The following GOLGA4 variants were observed in gnomAD, a reference collection of about 807,000 sequenced individuals.
GOLGA4 encodes the protein golgin A4, also known as golgin subfamily A member 4.
In GOLGA4, 169 loss-of-function variants were observed where a neutral mutation model predicts 265.9. That is an observed-to-expected ratio of 0.64 (90% CI 0.56 to 0.72). The LOEUF (loss-of-function observed/expected upper bound fraction) is 0.72, where lower values mean the gene tolerates loss of function less well. Among genes scored for constraint, GOLGA4 ranks in the 30% least tolerant of loss-of-function variants. The probability of loss-of-function intolerance (pLI) is 0.00; values close to 1 mark genes in which losing one functional copy is unlikely to be tolerated. For missense variants in GOLGA4, 2,482 were observed against 2,483.4 expected (o/e 1.00, Z 0.01); for synonymous variants, 923 against 855.8 (o/e 1.08, Z -1.37).
intron 2 of GOLGA4, chr3:37,275,563 G>A: frequency 1.9e-6 from 2 of 1,067,556 alleles, no homozygotes; most frequent in South Asian, 1.3e-5. Context: ...GTGAGGAAGG[G>A]GGCCTAGGCC....
At chr3:37,244,562 C>T (rs2096713716) in intron 1 of GOLGA4, among the ~76,000 whole-genome samples, 1 of 152,230 alleles carries the variant, frequency 6.6e-6, no homozygotes, top group Admixed American at 6.5e-5. Flanking sequence ...ACAGACTGAG[C>T]AGATCTGTCC....
chr3:37,334,616 C>T (rs944015989), intron 16 of GOLGA4, among the ~76,000 whole-genome samples: 1 of 152,116 alleles, frequency 6.6e-6, no homozygotes, highest in African/African-American at 2.4e-5. Context: ...TGACTATTTT[C>T]TAGAAATCAA....
intron 2 of GOLGA4, among the ~76,000 whole-genome samples, chr3:37,256,406 G>A (rs572695164): frequency 6.6e-6 from 1 of 152,032 alleles, no homozygotes; most frequent in African/African-American, 2.4e-5. Flanking sequence ...GGAGGCGGAG[G>A]TTGCAGTGAG....
intron 21 of GOLGA4, among the ~76,000 whole-genome samples, chr3:37,354,601 T>C (rs1281318428): frequency 6.6e-6 from 1 of 152,142 alleles, no homozygotes; most frequent in Non-Finnish European, 1.5e-5. Flanking sequence ...GTAATTTGTA[T>C]TTCTATTAGG....
chr3:37,339,431 G>C (rs1485540324), intron 19 of GOLGA4, among the ~76,000 whole-genome samples: 1 of 152,088 alleles, frequency 6.6e-6, no homozygotes, highest in East Asian at 1.9e-4. Context: ...TGGAATTACT[G>C]GATCATACAG....
intron 21 of GOLGA4, among the ~76,000 whole-genome samples, chr3:37,347,912 AAAT>A (rs1429350419): frequency 6.6e-6 from 1 of 152,184 alleles, no homozygotes; most frequent in Non-Finnish European, 1.5e-5. Context: ...GACATTTGGT[AAAT>A]ATATATTGAA....
Position 37,282,282 on chromosome 3 carries a change from T to G in GOLGA4, c.477+10T>G, listed in dbSNP as rs1432695196. ...GGGAAAATATTCTGAGGTAGGAGCA[T>G]GACCTTTTTGCCTGTACAAAAATTT... On this transcript the variant is annotated intron_variant, in intron 3 of 23. Coordinates refer to ENST00000361924, the MANE Select transcript of GOLGA4 (RefSeq NM_002078.5). 1 of 1,607,058 alleles carries G rather than the reference T, an allele frequency of 6.2e-7. No individual in the cohort carries two copies. The highest frequency in any genetic ancestry group is 1.7e-5 in the Admixed American group (1 of 59,850).
Position 37,323,690 on chromosome 3 carries a change from A to C in GOLGA4, c.1804A>C (p.Asn602His), listed in dbSNP as rs1316025333. Residue 602 changes from asparagine (N) to histidine (H), a missense_variant, in exon 14 of 24, where the codon AAT (asparagine) becomes CAT (histidine). Around this residue, in one of 3 missense-constraint regions of GOLGA4, gnomAD observed 1,536 missense variants for 1,483.7 expected, o/e 1.04. Coordinates refer to ENST00000361924, the MANE Select transcript of GOLGA4 (RefSeq NM_002078.5). ...VHLEAEKNKH[N>H]KEITVMVEKH... ...TCTGGAAGCTGAAAAAAATAAGCAC[A>C]ATAAGGAGATTACAGTCATGGTTGA... is the stretch of plus-strand genomic sequence containing the variant. The C allele has an allele frequency of 1.2e-6, 2 of 1,612,706 alleles. No individual in the cohort carries two copies. Among genetic ancestry groups the C allele is most frequent in the Non-Finnish European group, 1.7e-6 (2 of 1,179,686 alleles).
chr3:37,276,961 T>C (rs1374616379), intron 2 of GOLGA4, among the ~76,000 whole-genome samples: 2 of 152,180 alleles, frequency 1.3e-5, no homozygotes, highest in Admixed American at 6.5e-5. Flanking sequence ...CTGTTATTAA[T>C]ACATAAATGA....
intron 10 of GOLGA4, among the ~76,000 whole-genome samples, chr3:37,303,808 A>C (rs779705998): frequency 2.6e-5 from 4 of 152,214 alleles, no homozygotes; most frequent in African/African-American, 9.6e-5. Context: ...TGCTGCTACT[A>C]TTGTTAATAC....
At chr3:37,366,008 C>G in intron 23 of GOLGA4, 72 bp from the exon 24 acceptor site, 2 of 1,311,936 alleles carry the variant, frequency 1.5e-6, no homozygotes, top group South Asian at 1.3e-5. Flanking sequence ...ACAAATATCC[C>G]AAAAAGTCAA....
chr3:37,360,391 A>C (rs1219574994), intron 22 of GOLGA4, among the ~76,000 whole-genome samples: 3 of 152,220 alleles, frequency 2.0e-5, no homozygotes, highest in Admixed American at 1.3e-4. Context: ...CTTCTGCCAG[A>C]GAGGATATTA....
At chr3:37,306,200 C>T (rs754592929) in intron 10 of GOLGA4, among the ~76,000 whole-genome samples, 3 of 152,162 alleles carry the variant, frequency 2.0e-5, no homozygotes, top group East Asian at 1.9e-4. Context: ...TAGTTTTTGA[C>T]GTATGAGAGC....
chr3:37,361,353 G>A, intron 23 of GOLGA4, 48 bp downstream of exon 23: 1 of 1,308,282 alleles, frequency 7.6e-7, no homozygotes, highest in Non-Finnish European at 1.1e-6. Context: ...AATCAAATGT[G>A]TTGCCTGATA....
chr3:37,305,220 G>C (rs934904777), intron 10 of GOLGA4, among the ~76,000 whole-genome samples: 1 of 152,092 alleles, frequency 6.6e-6, no homozygotes, highest in Non-Finnish European at 1.5e-5. Flanking sequence ...CGCCCTGCCA[G>C]ATTTAAATTA....
At chr3:37,289,841 G>A (rs2096860315) in intron 5 of GOLGA4, among the ~76,000 whole-genome samples, 1 of 152,108 alleles carries the variant, frequency 6.6e-6, no homozygotes, top group Middle Eastern at 3.2e-3. Flanking sequence ...CTGATACCTT[G>A]TCGCTTCCCT....
chr3:37,251,821 A>C (rs1296959223), intron 2 of GOLGA4, among the ~76,000 whole-genome samples: 1 of 152,124 alleles, frequency 6.6e-6, no homozygotes, highest in Non-Finnish European at 1.5e-5. Context: ...AGTAGCTGGG[A>C]CTATAGGCGC....
intron 16 of GOLGA4, among the ~76,000 whole-genome samples, chr3:37,331,942 T>C (rs1378564516): frequency 6.6e-6 from 1 of 152,208 alleles, no homozygotes; most frequent in African/African-American, 2.4e-5. Flanking sequence ...CTGAGAATCA[T>C]GTTGCTTGTT....
intron 5 of GOLGA4, 50 bp from the exon 6 acceptor site, chr3:37,294,929 T>C: frequency 1.6e-6 from 2 of 1,249,480 alleles, no homozygotes; most frequent in South Asian, 2.6e-5. Flanking sequence ...GAAAACTTTG[T>C]ATTTTTTGTT....
Sources: allele counts gnomAD v4.1 joint callset (sites outside exome capture counted in the v4.1 genomes callset), GRCh38; gene constraint gnomAD v4.1.1; regional missense constraint gnomAD v4.1.1; transcripts MANE v1.5; gene names NCBI Gene and HGNC (gene_info 2026-07-23, HGNC 2026-07-21).